Variants in BBIP1 observed in about 807,000 individuals in gnomAD.
BBIP1 encodes BBSome-interacting protein 1.
A neutral mutation model predicts 8.9 loss-of-function variants in BBIP1; 6 were observed. The observed-to-expected ratio is 0.67, with a 90% CI of 0.37 to 1.33. The LOEUF (loss-of-function observed/expected upper bound fraction) is 1.33, where lower values mean the gene tolerates loss of function less well. BBIP1 is among the 40% of genes most tolerant of loss of function. The probability of loss-of-function intolerance (pLI) is 0.02; values close to 1 mark genes in which losing one functional copy is unlikely to be tolerated. For synonymous variants in BBIP1, 32 were observed against 33.4 expected (o/e 0.96, Z 0.14); for missense variants, 111 against 109.2 (o/e 1.02, Z -0.07).
At chr10:110,904,746 A>G (rs773901079) in intron 2 of BBIP1, 2 of 152,264 alleles carry the variant, frequency 1.3e-5, no homozygotes, top group African/African-American at 2.4e-5. Context: ...ATGTTCAGCA[A>G]TAGATGAAGC....
chr10:110,901,709 A>G lies in BBIP1; in HGVS notation c.38-97T>C, dbSNP rs992084705. The G allele has an allele frequency of 4.4e-6, 4 of 913,490 alleles. No homozygotes were observed. The Admixed American group carries it at 8.1e-5, about 18-fold the overall frequency. The allele number at this position is 913,490 out of a possible 1,614,324, so 56.6% of individuals were successfully genotyped here. On this transcript the variant is annotated intron_variant, in intron 2 of 3. Transcript: ENST00000448814. ...TTTAAGAAGTAAAATCCAAATTCCT[A>G]TAGAAAGTGAACTACCCTAACCTTG...
At chr10:110,907,099 A>G (rs1227224914) in intron 2 of BBIP1, 1 of 152,246 alleles carries the variant, frequency 6.6e-6, no homozygotes, top group African/African-American at 2.4e-5. Context: ...GTCTTTCTTG[A>G]GTTACCAGTG....
chr10:110,901,666 G>C (rs901137859), intron 2 of BBIP1, 54 bp from the exon 3 acceptor site: 2 of 1,305,212 alleles, frequency 1.5e-6, no homozygotes. Flanking sequence ...CAGACTGCCT[G>C]AGACATTTCC....
rs1444006746 is a variant in BBIP1, at chr10:110,900,463, T to C, written c.176A>G (p.Lys59Arg). Residue 59 changes from lysine to arginine, a missense_variant, in exon 4 of 4, where the codon AAA becomes AGA. Coordinates refer to ENST00000448814, the MANE Select transcript of BBIP1 (RefSeq NM_001195305.3). The part of the protein sequence containing the change: ...VLCKPKLLPL[K>R]SLTLEKLEKM... ...CTCTAGTTTTTCCAGAGTCAGAGATTTTAAGGGTAAAAGTTTGGGTTTACA... is the reference window on the plus strand; with the variant it reads ...CTCTAGTTTTTCCAGAGTCAGAGATCTTAAGGGTAAAAGTTTGGGTTTACA... The C allele has an allele frequency of 6.5e-7, 1 of 1,535,750 alleles. No individual in the cohort carries two copies. The highest frequency in any genetic ancestry group is 8.7e-7 in the Non-Finnish European group (1 of 1,146,764).
chr10:110,914,896 A>G (rs773860436), intron 2 of BBIP1, among the ~76,000 whole-genome samples: 1 of 152,194 alleles, frequency 6.6e-6, no homozygotes, highest in Non-Finnish European at 1.5e-5. Context: ...AACCCTTCCT[A>G]TTTCAAAATT....
intron 2 of BBIP1, among the ~76,000 whole-genome samples, chr10:110,914,207 G>A (rs1224568239): frequency 1.3e-5 from 2 of 152,120 alleles, no homozygotes; most frequent in Non-Finnish European, 2.9e-5. Context: ...GGGAACTGAA[G>A]GAGTAGTCAG....
Position 110,898,737 on chromosome 10 carries a change from G to C in BBIP1, c.*1623C>G, listed in dbSNP as rs998150940. 1 of 152,580 alleles carries C rather than the reference G, an allele frequency of 6.6e-6. No homozygotes were observed. The highest frequency in any genetic ancestry group is 2.4e-5 in the African/African-American group (1 of 41,436). The allele number at this position is 152,580 out of a possible 1,614,324, so 9.5% of individuals were successfully genotyped here. A position where few individuals can be genotyped will look rare whatever the true frequency, so the allele number is the denominator to read the frequency against. On this transcript the variant is annotated 3_prime_UTR_variant, in exon 4 of 4. Coordinates refer to ENST00000448814, the MANE Select transcript of BBIP1 (RefSeq NM_001195305.3). The stretch of plus-strand genomic sequence containing the variant: ...ACACCAAAATAAAACATGTGAAGCA[G>C]TATTGATTCTTTATTGGGAGTACAT...
chr10:110,910,833 G>C (rs774355738), intron 2 of BBIP1: 5 of 152,270 alleles, frequency 3.3e-5, no homozygotes, highest in Non-Finnish European at 7.3e-5. Flanking sequence ...AGTCCAAGAG[G>C]AAGGTAAAAA....
Position 110,901,267 on chromosome 10 carries a change from T to G in BBIP1, c.112+271A>C, listed in dbSNP as rs758074946. 7.0e-6 allele frequency: 3 copies of G among 430,750 alleles called. No individual in the cohort carries two copies. The East Asian group carries it at 1.5e-4, about 21-fold the overall frequency. The allele number at this position is 430,750 out of a possible 1,614,324, so 26.7% of individuals were successfully genotyped here. ...CTGTACCCAAGCCTGGGTGGCAGAG[T>G]GACAACCTGTCTCTTAAAAAAAATT... On this transcript the variant is annotated intron_variant, in intron 3 of 3. Transcript: ENST00000448814.
At chr10:110,902,838 T>TA (rs1182204813) in intron 2 of BBIP1, 2 of 151,868 alleles carry the variant, frequency 1.3e-5, no homozygotes, top group Non-Finnish European at 2.9e-5. Context: ...ATAAATACAA[T>TA]ACACAATTTC....
chr10:110,901,613 C>T lies in BBIP1; in HGVS notation c.38-1G>A. 1.3e-6 allele frequency: 2 copies of T among 1,529,868 alleles called. No individual in the cohort carries two copies. The highest frequency in any genetic ancestry group is 1.2e-5 in the South Asian group (1 of 83,932). 94.8% of individuals were successfully genotyped at this position (1,529,868 alleles called of 1,614,324 possible). A position where few individuals can be genotyped will look rare whatever the true frequency, so the allele number is the denominator to read the frequency against. ...GAGTTGTTGGATATAGTGTTTTTTC[C>T]TTCAATGAGAAATCAGTATTATTCA... On this transcript the variant is annotated splice_acceptor_variant, in intron 2 of 3. Coordinates refer to ENST00000448814, the MANE Select transcript of BBIP1 (RefSeq NM_001195305.3). LOFTEE classifies it high-confidence loss of function.
chr10:110,901,649 C>A, intron 2 of BBIP1, 37 bp from the exon 3 acceptor site: 1 of 1,433,868 alleles, frequency 7.0e-7, no homozygotes. Context: ...AGAATACATT[C>A]CCAAAGCAGA....
chr10:110,913,831 A>C (rs772767130), intron 2 of BBIP1, among the ~76,000 whole-genome samples: 22 of 152,238 alleles, frequency 1.4e-4, no homozygotes, highest in Non-Finnish European at 2.8e-4. Flanking sequence ...CATGTCATAA[A>C]CTGGTAACCC....
intron 2 of BBIP1, among the ~76,000 whole-genome samples, chr10:110,914,232 A>G (rs1368708589): frequency 6.6e-6 from 1 of 152,134 alleles, no homozygotes; most frequent in African/African-American, 2.4e-5. Context: ...AATCATGGCC[A>G]TGGACTGTAA....
At chr10:110,913,734 T>G (rs1846329955) in intron 2 of BBIP1, among the ~76,000 whole-genome samples, 1 of 152,232 alleles carries the variant, frequency 6.6e-6, no homozygotes, top group Non-Finnish European at 1.5e-5. Context: ...GTAAATGCAG[T>G]TGACATATGG....
At chr10:110,917,308 G>A (rs551534866) in intron 2 of BBIP1, among the ~76,000 whole-genome samples, 18 of 146,360 alleles carry the variant, frequency 1.2e-4, no homozygotes, top group Non-Finnish European at 1.8e-4. Context: ...TTACAAAACA[G>A]CTGAAATAAT....
chr10:110,901,610 T>C lies in BBIP1; in HGVS notation c.40A>G (p.Lys14Glu). Reference sequence around the variant, plus strand: ...TCTGAGTTGTTGGATATAGTGTTTTTTCCTTCAATGAGAAATCAGTATTAT... The same window carrying C: ...TCTGAGTTGTTGGATATAGTGTTTTCTCCTTCAATGAGAAATCAGTATTAT... ...AAAKRPELSG[K>E]NTISNNSDMA... The change falls in exon 3 of 4, where the codon AAA (lysine) becomes GAA (glutamate). Residue 14 changes from lysine to glutamate, a missense_variant and splice_region_variant. By Grantham distance (56) the Lys-to-Glu change is moderately conservative (BLOSUM62 1). Transcript: ENST00000448814. 1 of 1,532,812 alleles carries C rather than the reference T, an allele frequency of 6.5e-7. No individual in the cohort carries two copies. The highest frequency in any genetic ancestry group is 8.7e-7 in the Non-Finnish European group (1 of 1,143,914). 95.0% of individuals were successfully genotyped at this position (1,532,812 alleles called of 1,614,324 possible).
Position 110,917,868 on chromosome 10 carries a change from C to T in BBIP1, c.37+253G>A, listed in dbSNP as rs924169912. On this transcript the variant is annotated intron_variant, in intron 2 of 3. Coordinates refer to ENST00000448814, the MANE Select transcript of BBIP1 (RefSeq NM_001195305.3). Reference sequence around the variant, plus strand: ...CATACTGATTGTCATAAAAGATGTACAAAAAATGCTAAACTCAGAGGAAAT... The same window carrying T: ...CATACTGATTGTCATAAAAGATGTATAAAAAATGCTAAACTCAGAGGAAAT... 5.6e-6 allele frequency: 3 copies of T among 539,406 alleles called. No homozygotes were observed. The African/African-American group carries it at 5.7e-5, about 10-fold the overall frequency. The allele number at this position is 539,406 out of a possible 1,614,324, so 33.4% of individuals were successfully genotyped here.
rs561981746 is a variant in BBIP1, at chr10:110,909,692, G to T, written c.38-8080C>A. On this transcript the variant is annotated intron_variant, in intron 2 of 3. Coordinates refer to ENST00000448814, the MANE Select transcript of BBIP1 (RefSeq NM_001195305.3). The stretch of plus-strand genomic sequence containing the variant: ...AATCTTTACAGTGGACAGAAATTGT[G>T]AGTTAATAGGCCAAATTAATGCTGT... 2.6e-5 allele frequency among the ~76,000 whole-genome samples: 4 copies of T among 152,210 alleles called. No homozygotes were observed. The South Asian group carries it at 8.3e-4, about 32-fold the overall frequency.
Sources: gnomAD v4.1 joint callset for allele counts (sites outside exome capture counted in the v4.1 genomes callset) on GRCh38, gnomAD v4.1.1 for gene constraint, MANE v1.5 for transcripts, NCBI Gene and HGNC (gene_info 2026-07-23, HGNC 2026-07-21) for gene names.